VWF: variants seen among roughly 807,000 people sequenced by gnomAD.
The protein encoded by VWF is Factor VIII related antigen.
In VWF, 176 loss-of-function variants were observed where a neutral mutation model predicts 308.6. The observed-to-expected ratio is 0.57, with a 90% CI of 0.50 to 0.65. VWF has a LOEUF of 0.65. Ranked by LOEUF, VWF falls within the 30% of genes least tolerant of loss-of-function variation. The pLI is 0.00. For missense variants in VWF, 3,146 were observed against 3,648.2 expected, an observed-to-expected ratio of 0.86 and a Z score of 3.55; for synonymous variants, 1,385 against 1,443.4, an observed-to-expected ratio of 0.96 and a Z score of 0.92.
intron 3 of VWF, among the ~76,000 whole-genome samples, chr12:6,111,517 T>C (rs1945307298): frequency 6.6e-6 from 1 of 152,106 alleles, no homozygotes; most frequent in African/African-American, 2.4e-5. Context: ...GGATCACAAG[T>C]ATGTACCACC....
chr12:5,958,939 G>A (rs948335785), intron 47 of VWF, among the ~76,000 whole-genome samples: 3 of 152,098 alleles, frequency 2.0e-5, no homozygotes, highest in South Asian at 4.1e-4. Context: ...GAGGTGGCTG[G>A]GTGCGGTGGC....
chr12:6,028,843 C>T (rs1202822118), intron 22 of VWF, among the ~76,000 whole-genome samples: 1 of 152,146 alleles, frequency 6.6e-6, no homozygotes, highest in Non-Finnish European at 1.5e-5. Context: ...TACGAAGAAA[C>T]GGTATCAATT....
chr12:5,998,673 C>T (rs1333924612), intron 34 of VWF, among the ~76,000 whole-genome samples: 7 of 151,252 alleles, frequency 4.6e-5, no homozygotes, highest in Non-Finnish European at 8.8e-5. Context: ...AAAAAGCATG[C>T]TTTCAGCATA....
chr12:6,087,708 C>T (rs1944989065), intron 6 of VWF, among the ~76,000 whole-genome samples: 1 of 151,974 alleles, frequency 6.6e-6, no homozygotes. Context: ...ACCTGTCTAC[C>T]CAGACACAGT....
chr12:6,056,864 G>A lies in VWF; in HGVS notation c.1938C>T (p.Gly646=). The change falls in exon 15 of 52, where the codon GGC becomes GGT. Residue 646 remains glycine (G), a synonymous_variant. Transcript: ENST00000261405. The stretch of plus-strand genomic sequence containing the variant: ...GGCAGGGAGGGCACGCACCACAGCG[G>A]CCTGGCTCGCGCCACGCGACGCGCA... ...RGVRVAWREP[G]RCELNCPKGQ... is the part of the protein sequence containing the mutation. 6.9e-7 allele frequency: 1 copy of A among 1,451,678 alleles called. No homozygotes were observed. The highest frequency in any genetic ancestry group is 1.5e-5 in the African/African-American group (1 of 67,818). The allele number at this position is 1,451,678 out of a possible 1,614,324, so 89.9% of individuals were successfully genotyped here.
chr12:5,974,929 C>T (rs1361526950), intron 43 of VWF, among the ~76,000 whole-genome samples: 1 of 152,232 alleles, frequency 6.6e-6, no homozygotes, highest in Admixed American at 6.5e-5. Flanking sequence ...AAACTCCCCA[C>T]TGAAACACGA....
rs1033954137 is a variant in VWF at position 6,056,854 on chromosome 12, C to T, written c.1945+3G>A. The T allele has an allele frequency of 3.5e-6, 5 of 1,412,774 alleles. No homozygotes were observed. The African/African-American group carries it at 7.5e-5, about 21-fold the overall frequency. 87.5% of individuals were successfully genotyped at this position (1,412,774 alleles called of 1,614,324 possible). On this transcript the variant is annotated splice_donor_region_variant and intron_variant, in intron 15 of 51. Coordinates refer to ENST00000261405, the MANE Select transcript of VWF (RefSeq NM_000552.5). ...GAGGGCTGCGGGCAGGGAGGGCACGCACCACAGCGGCCTGGCTCGCGCCAC... is the reference window on the plus strand; with the variant it reads ...GAGGGCTGCGGGCAGGGAGGGCACGTACCACAGCGGCCTGGCTCGCGCCAC...
At chr12:6,098,355 A>G (rs1308801656) in intron 5 of VWF, among the ~76,000 whole-genome samples, 1 of 152,214 alleles carries the variant, frequency 6.6e-6, no homozygotes, top group Non-Finnish European at 1.5e-5. Flanking sequence ...TGGGAATATG[A>G]AAGATATTTT....
intron 34 of VWF, among the ~76,000 whole-genome samples, chr12:6,007,795 C>T (rs1457199047): frequency 4.6e-5 from 7 of 151,970 alleles, no homozygotes; most frequent in African/African-American, 1.7e-4. Flanking sequence ...ATTAACAAAG[C>T]TTTAGCTAGA....
At chr12:6,038,820 G>A (rs1944366549) in intron 18 of VWF, among the ~76,000 whole-genome samples, 1 of 152,204 alleles carries the variant, frequency 6.6e-6, no homozygotes, top group Non-Finnish European at 1.5e-5. Context: ...CTGGAGAGGA[G>A]ACAAAACATA....
intron 10 of VWF, among the ~76,000 whole-genome samples, chr12:6,068,252 C>T (rs1944740965): frequency 1.3e-5 from 2 of 152,022 alleles, no homozygotes; most frequent in East Asian, 3.8e-4. Flanking sequence ...AGCACATTAC[C>T]TCTTCTAAAC....
intron 47 of VWF, among the ~76,000 whole-genome samples, chr12:5,963,545 T>G (rs1943342160): frequency 6.6e-6 from 1 of 152,212 alleles, no homozygotes; most frequent in Non-Finnish European, 1.5e-5. Context: ...TGGAAAAAAC[T>G]TCTCCCTGAG....
At chr12:6,071,475 G>A (rs1205860581) in intron 9 of VWF, 132 bp from the exon 10 acceptor site, 44 of 1,000,754 alleles carry the variant, frequency 4.4e-5, no homozygotes, top group Admixed American at 1.2e-4. Context: ...GCTGGTGCTA[G>A]CAGAATCTTC....
intron 15 of VWF, among the ~76,000 whole-genome samples, chr12:6,053,237 A>G (rs1217291369): frequency 6.6e-6 from 1 of 152,194 alleles, no homozygotes; most frequent in East Asian, 1.9e-4. Flanking sequence ...GACAACAATG[A>G]GTACCATTTA....
At chr12:6,048,838 C>T (rs967943714) in intron 16 of VWF, among the ~76,000 whole-genome samples, 9 of 152,310 alleles carry the variant, frequency 5.9e-5, no homozygotes, top group South Asian at 2.1e-4. Flanking sequence ...GAGAATCAGC[C>T]CTTCCCTTTC....
chr12:6,071,490 G>T, intron 9 of VWF, 147 bp from the exon 10 acceptor site: 1 of 896,640 alleles, frequency 1.1e-6, no homozygotes, highest in Non-Finnish European at 1.8e-6. Context: ...ATCTTCATAG[G>T]GTTAAAATTG....
chr12:6,041,898 T>C (rs898979071), intron 18 of VWF, among the ~76,000 whole-genome samples: 3 of 152,232 alleles, frequency 2.0e-5, no homozygotes, highest in Non-Finnish European at 4.4e-5. Context: ...GTCTCTCCTA[T>C]GGACAGCAGG....
At chr12:5,958,103 TAAAAAAAAG>T (rs1222195117) in intron 47 of VWF, among the ~76,000 whole-genome samples, 2 of 149,348 alleles carry the variant, frequency 1.3e-5, no homozygotes, top group African/African-American at 2.5e-5. Context: ...GATATAGTAC[TAAAAAAAAG>T]AAAAAAAAGA....
At position 6,079,558 on chromosome 12, in the gene VWF, T is replaced by C. The variant is rs568340640; in HGVS notation, c.658-4007A>G. ...CCGGGAGGCAACGCTTGCAGTGAGCTGAGATCGCACCACTGCACTCTAGCC... is the reference window on the plus strand; with the variant it reads ...CCGGGAGGCAACGCTTGCAGTGAGCCGAGATCGCACCACTGCACTCTAGCC... On this transcript the variant is annotated intron_variant, in intron 6 of 51. Transcript: ENST00000261405. Among the ~76,000 whole-genome samples the C allele has an allele frequency of 2.4e-3, 362 of 150,306 alleles. 2 individuals carry two copies. Among genetic ancestry groups the C allele is most frequent in the Non-Finnish European group, 4.1e-3 (277 of 67,716 alleles).
Sources: gnomAD v4.1 joint callset for allele counts (sites outside exome capture counted in the v4.1 genomes callset) on GRCh38, gnomAD v4.1.1 for gene constraint, MANE v1.5 for transcripts, NCBI Gene and HGNC (gene_info 2026-07-23, HGNC 2026-07-21) for gene names.